Variants in PSG1 observed in about 807,000 individuals in gnomAD.
PSG1 encodes pregnancy specific beta-1-glycoprotein 1.
In PSG1, 60 loss-of-function variants were observed where a neutral mutation model predicts 41.4. The ratio of observed to expected loss-of-function variants is 1.45; its 90% confidence interval spans 1.18 to 1.80. The LOEUF (loss-of-function observed/expected upper bound fraction) is 1.80, where lower values mean the gene tolerates loss of function less well. PSG1 is among the 40% of genes most tolerant of loss of function. The pLI is 0.00. For missense variants in PSG1, 806 were observed against 516.9 expected (o/e 1.56, Z -5.42); for synonymous variants, 256 against 192.9 (o/e 1.33, Z -2.71).
chr19:42,879,555 G>C lies in PSG1; in HGVS notation c.27C>G (p.Cys9Trp), dbSNP rs771734237. The change falls in exon 1 of 6, where the codon TGC (cysteine) becomes TGG (tryptophan). Residue 9 changes from cysteine (C) to tryptophan (W), a missense_variant. Cys to Trp is a radical substitution (Grantham distance 215). Coordinates refer to ENST00000436291, the MANE Select transcript of PSG1 (RefSeq NM_001184825.2). ...GCCCCTTCCATTTGATGCGCTGTGT[G>C]CAGGGAGGGGCTGAGAGGGTTCCCA... is the stretch of plus-strand genomic sequence containing the variant. Reference protein sequence around the residue: MGTLSAPPCTQRIKWKGLL... With the variant: MGTLSAPPWTQRIKWKGLL... The C allele has an allele frequency of 4.6e-5, 74 of 1,610,658 alleles. 2 individuals are homozygous for C. Among genetic ancestry groups the C allele is most frequent in the Admixed American group, 1.0e-4 (6 of 59,762 alleles).
rs1058960 is a variant in PSG1, at chr19:42,877,970, T to G, written c.373A>C (p.Ile125Leu). The G allele has an allele frequency of 3.5e-5, 56 of 1,612,432 alleles. 2 individuals carry two copies. The African/African-American group carries it at 4.9e-4, about 14-fold the overall frequency. Reference sequence around the variant, plus strand: ...CCTCTAGTCCCATCATCTCCCTTTATGATGTGTAAGGTGTAGGATCCTGCG... The same window carrying G: ...CCTCTAGTCCCATCATCTCCCTTTAGGATGTGTAAGGTGTAGGATCCTGCG... Reference protein sequence around the residue: ...EDAGSYTLHIIKGDDGTRGVT... With the variant: ...EDAGSYTLHILKGDDGTRGVT... The change falls in exon 2 of 6, where the codon ATA becomes CTA. Residue 125 changes from isoleucine to leucine, a missense_variant. By Grantham distance (5) the Ile-to-Leu change is conservative. Transcript: ENST00000436291.
Position 42,879,390 on chromosome 19 carries a change from G to T in PSG1, c.64+128C>A. 1.4e-6 allele frequency: 2 copies of T among 1,413,286 alleles called. 1 individual carries two copies. Among genetic ancestry groups the T allele is most frequent in the Non-Finnish European group, 2.0e-6 (2 of 1,023,338 alleles). The allele number at this position is 1,413,286 out of a possible 1,614,324, so 87.5% of individuals were successfully genotyped here. A position where few individuals can be genotyped will look rare whatever the true frequency, so the allele number is the denominator to read the frequency against. ...ACTGATCTTGAACTTCTGATCTCATGATCCACCCACCTCAGACTCCCAAAG... is the reference window on the plus strand; with the variant it reads ...ACTGATCTTGAACTTCTGATCTCATTATCCACCCACCTCAGACTCCCAAAG... On this transcript the variant is annotated intron_variant, in intron 1 of 5. Coordinates refer to ENST00000436291, the MANE Select transcript of PSG1 (RefSeq NM_001184825.2).
At chr19:42,878,392 C>T in intron 1 of PSG1, 114 bp from the exon 2 acceptor site, 1 of 1,393,312 alleles carries the variant, frequency 7.2e-7, no homozygotes, top group Non-Finnish European at 9.7e-7. Flanking sequence ...AACACAGACA[C>T]ACACACACAT....
Position 42,878,357 on chromosome 19 carries a change from G to A in PSG1, c.65-79C>T, listed in dbSNP as rs560904922. The A allele has an allele frequency of 1.3e-5, 20 of 1,512,464 alleles. 1 individual carries two copies. The African/African-American group carries it at 1.6e-4, about 12-fold the overall frequency. The allele number at this position is 1,512,464 out of a possible 1,614,324, so 93.7% of individuals were successfully genotyped here. On this transcript the variant is annotated intron_variant, in intron 1 of 5. Coordinates refer to ENST00000436291, the MANE Select transcript of PSG1 (RefSeq NM_001184825.2). ...AACATGGGGCCCTGGGTCCTGAGAAGGTCTCTTCAGTCCTCAGCCTTGACA... is the reference window on the plus strand; with the variant it reads ...AACATGGGGCCCTGGGTCCTGAGAAAGTCTCTTCAGTCCTCAGCCTTGACA...
At chr19:42,874,725 G>C (rs1971533420) in intron 2 of PSG1, among the ~76,000 whole-genome samples, 1 of 151,632 alleles carries the variant, frequency 6.6e-6, no homozygotes, top group South Asian at 2.1e-4. Flanking sequence ...CAAATTTCAA[G>C]CTTGTTATAC....
At position 42,866,860 on chromosome 19, in the gene PSG1, C is replaced by T; in HGVS notation, c.*274G>A. The T allele has an allele frequency of 3.2e-6, 2 of 633,058 alleles. No individual in the cohort carries two copies. The highest frequency in any genetic ancestry group is 1.8e-5 in the South Asian group (1 of 55,096). The allele number at this position is 633,058 out of a possible 1,614,324, so 39.2% of individuals were successfully genotyped here. On this transcript the variant is annotated 3_prime_UTR_variant, in exon 6 of 6. Transcript: ENST00000436291. ...GGACAGTTAAGAGGGGGGAGAGCCT[C>T]ATCATGATGGGGAGTCTTGTTCTGA... is the stretch of plus-strand genomic sequence containing the variant.
Position 42,868,318 on chromosome 19 carries a change from G to A in PSG1, c.1026C>T (p.Thr342=), listed in dbSNP as rs766867553. The A allele has an allele frequency of 1.9e-6, 3 of 1,611,612 alleles. No homozygotes were observed. The highest frequency in any genetic ancestry group is 2.5e-6 in the Non-Finnish European group (3 of 1,178,700). Residue 342 remains threonine (T), a synonymous_variant, in exon 5 of 6, where the codon ACC becomes ACT. Coordinates refer to ENST00000436291, the MANE Select transcript of PSG1 (RefSeq NM_001184825.2). The part of the protein sequence containing the change: ...PDLPRIYPSF[T]YYRSGEVLYL... ...AGAGGACTTCTCCTGAACGGTAATA[G>A]GTGAATGAAGGGTAAATTCTGGGGA...
chr19:42,873,367 T>G (rs1971473482), intron 2 of PSG1, among the ~76,000 whole-genome samples: 2 of 151,662 alleles, frequency 1.3e-5, no homozygotes, highest in African/African-American at 4.8e-5. Context: ...TCAGAAGTGT[T>G]GAGTTTTGAG....
In PSG1 at chr19:42,869,023, T is replaced by G. The variant is rs933663076; in HGVS notation, c.721A>C (p.Lys241Gln). The G allele has an allele frequency of 6.2e-7, 1 of 1,610,326 alleles. No homozygotes were observed. The highest frequency in any genetic ancestry group is 1.3e-5 in the African/African-American group (1 of 74,720). Residue 241 changes from lysine to glutamine, a missense_variant, in exon 4 of 6, where the codon AAG (lysine) becomes CAG (glutamine). Physicochemically the swap from Lys to Gln is moderately conservative, Grantham distance 53. Transcript: ENST00000436291. ...VTLNLLPKLP[K>Q]PYITINNLNP... Reference sequence around the variant, plus strand: ...AAGTTGTTGATGGTGATGTAGGGCTTGGGCAGCTTCGCTGTGTGGATAACA... The same window carrying G: ...AAGTTGTTGATGGTGATGTAGGGCTGGGGCAGCTTCGCTGTGTGGATAACA...
chr19:42,875,909 A>T (rs975079046), intron 2 of PSG1, among the ~76,000 whole-genome samples: 1 of 142,474 alleles, frequency 7.0e-6, no homozygotes, highest in African/African-American at 2.6e-5. Context: ...TCCCTGTCCC[A>T]TGGTCTTGTC....
intron 2 of PSG1, among the ~76,000 whole-genome samples, chr19:42,873,800 A>T (rs1361949111): frequency 6.6e-6 from 1 of 151,666 alleles, no homozygotes; most frequent in Non-Finnish European, 1.5e-5. Context: ...AAATATAGAA[A>T]GAACTCCCTG....
chr19:42,871,873 G>C lies in PSG1; in HGVS notation c.603C>G (p.Thr201=), dbSNP rs754030096. Residue 201 remains threonine (T), a synonymous_variant, in exon 3 of 6, where the codon ACC becomes ACG. Coordinates refer to ENST00000436291, the MANE Select transcript of PSG1 (RefSeq NM_001184825.2). ...HSLKLSETNR[T]LFLLGVTKYT... ...ACTTTGTGACACCCAATAGAAAGAG[G>C]GTCCTGTTGGTTTCGGACAGCTTCA... 6.2e-7 allele frequency: 1 copy of C among 1,612,462 alleles called. No homozygotes were observed. The highest frequency in any genetic ancestry group is 1.3e-5 in the African/African-American group (1 of 74,758).
At chr19:42,876,500 G>A (rs1352994997) in intron 2 of PSG1, among the ~76,000 whole-genome samples, 1 of 151,400 alleles carries the variant, frequency 6.6e-6, no homozygotes, top group Non-Finnish European at 1.5e-5. Context: ...CTCTAAAGAG[G>A]TTTTGGATCA....
At position 42,879,681 on chromosome 19, in the gene PSG1, G is replaced by T; in HGVS notation, c.-100C>A. 3 of 1,524,630 alleles carry T rather than the reference G, an allele frequency of 2.0e-6. No homozygotes were observed. The highest frequency in any genetic ancestry group is 1.8e-6 in the Non-Finnish European group (2 of 1,118,762). 94.4% of individuals were successfully genotyped at this position (1,524,630 alleles called of 1,614,324 possible). A position where few individuals can be genotyped will look rare whatever the true frequency, so the allele number is the denominator to read the frequency against. On this transcript the variant is annotated 5_prime_UTR_variant, in exon 1 of 6. Transcript: ENST00000436291. The stretch of plus-strand genomic sequence containing the variant: ...GCTGTGCTGTCCTTCCTCTTTCTGT[G>T]CTGAGCCTCTTCCCAGGGCAGGAGC...
intron 2 of PSG1, chr19:42,874,052 A>G (rs544431238): frequency 6.6e-6 from 1 of 151,632 alleles, no homozygotes; most frequent in South Asian, 2.1e-4. Context: ...TAAAACCATC[A>G]GATAACACCC....
At position 42,866,683 on chromosome 19, in the gene PSG1, T is replaced by G; in HGVS notation, c.*451A>C. On this transcript the variant is annotated 3_prime_UTR_variant, in exon 6 of 6. Transcript: ENST00000436291. ...TCTATTGGGAGCCCTGTATGCAAGG[T>G]GGAGAGAGCCACATTTCCCCCTGAG... 2.9e-6 allele frequency: 1 copy of G among 346,342 alleles called. No homozygotes were observed. The highest frequency in any genetic ancestry group is 5.4e-6 in the Non-Finnish European group (1 of 184,962). 21.5% of individuals were successfully genotyped at this position (346,342 alleles called of 1,614,324 possible). A position where few individuals can be genotyped will look rare whatever the true frequency, so the allele number is the denominator to read the frequency against.
chr19:42,875,511 A>G (rs1226504503), intron 2 of PSG1, among the ~76,000 whole-genome samples: 1 of 151,624 alleles, frequency 6.6e-6, no homozygotes, highest in Admixed American at 6.6e-5. Flanking sequence ...GCATTCTGGC[A>G]ACCGGCTGAC....
chr19:42,876,381 G>T (rs375061476), intron 2 of PSG1, among the ~76,000 whole-genome samples: 26 of 151,504 alleles, frequency 1.7e-4, no homozygotes, highest in South Asian at 1.7e-3. Flanking sequence ...GAGGTGGGGT[G>T]GCTTTAGGGG....
intron 3 of PSG1, chr19:42,870,317 G>T (rs541928393): frequency 6.6e-6 from 1 of 151,820 alleles, no homozygotes; most frequent in African/African-American, 2.4e-5. Flanking sequence ...AATCTAAAAT[G>T]CTCCAGTGAG....
Sources: gnomAD v4.1 joint callset for allele counts (sites outside exome capture counted in the v4.1 genomes callset) on GRCh38, gnomAD v4.1.1 for gene constraint, MANE v1.5 for transcripts, NCBI Gene and HGNC (gene_info 2026-07-23, HGNC 2026-07-21) for gene names.